Variants in RELN observed in about 807,000 individuals in gnomAD.
The protein encoded by RELN is reelin.
Under a neutral mutation model 427.6 loss-of-function variants are expected in RELN, and 108 were observed. That is an observed-to-expected ratio of 0.25 (90% CI 0.22 to 0.30). RELN has a LOEUF of 0.30. Among genes scored for constraint, RELN ranks in the 10% least tolerant of loss-of-function variants. The pLI is 1.00. For missense variants in RELN, 3,715 were observed against 4,302.8 expected, an observed-to-expected ratio of 0.86 and a Z score of 3.82; for synonymous variants, 1,524 against 1,513.4, an observed-to-expected ratio of 1.01 and a Z score of -0.16.
intron 25 of RELN, among the ~76,000 whole-genome samples, chr7:103,596,025 C>T (rs1277284839): frequency 6.6e-6 from 1 of 152,144 alleles, no homozygotes; most frequent in East Asian, 1.9e-4. Context: ...TACTCATACA[C>T]TGTTTAGGGA....
intron 46 of RELN, among the ~76,000 whole-genome samples, chr7:103,533,183 G>A (rs543649594): frequency 6.6e-6 from 1 of 152,292 alleles, no homozygotes; most frequent in East Asian, 1.9e-4. Context: ...AGTAGACAAG[G>A]CTGCAGTTGT....
intron 4 of RELN, among the ~76,000 whole-genome samples, chr7:103,757,659 G>A (rs897903225): frequency 3.4e-4 from 51 of 152,168 alleles, no homozygotes; most frequent in South Asian, 4.1e-4. Flanking sequence ...AAAAGATATC[G>A]TAGTTTCTTC....
intron 6 of RELN, among the ~76,000 whole-genome samples, chr7:103,732,323 C>T (rs1790374649): frequency 1.3e-5 from 2 of 152,070 alleles, no homozygotes; most frequent in South Asian, 2.1e-4. Flanking sequence ...CATCATAATC[C>T]TTCAGTGTGT....
chr7:103,940,673 A>C (rs1452545064), intron 1 of RELN, among the ~76,000 whole-genome samples: 1 of 152,178 alleles, frequency 6.6e-6, no homozygotes, highest in Non-Finnish European at 1.5e-5. Flanking sequence ...TATCCCTGAT[A>C]AAATAACCAA....
chr7:103,548,508 A>G (rs887100749), intron 41 of RELN, among the ~76,000 whole-genome samples: 2 of 152,230 alleles, frequency 1.3e-5, no homozygotes, highest in Non-Finnish European at 2.9e-5. Context: ...AGGACTAGAC[A>G]ACACCCTTAA....
At chr7:103,933,352 T>G (rs1009665738) in intron 1 of RELN, among the ~76,000 whole-genome samples, 6 of 152,110 alleles carry the variant, frequency 3.9e-5, no homozygotes, top group African/African-American at 1.4e-4. Context: ...ATGGCATTCA[T>G]GAGCTAATCA....
chr7:103,858,152 C>T (rs1326451819), intron 2 of RELN, among the ~76,000 whole-genome samples: 1 of 152,156 alleles, frequency 6.6e-6, no homozygotes, highest in Non-Finnish European at 1.5e-5. Flanking sequence ...TACAACAGGG[C>T]TGGCACTCGG....
At chr7:103,742,402 C>T (rs962303858) in intron 6 of RELN, among the ~76,000 whole-genome samples, 4 of 152,158 alleles carry the variant, frequency 2.6e-5, no homozygotes, top group Non-Finnish European at 1.5e-5. Flanking sequence ...AGTAACGGAA[C>T]AAAACTGGAT....
intron 3 of RELN, among the ~76,000 whole-genome samples, chr7:103,808,300 T>TC: frequency 6.6e-6 from 1 of 151,642 alleles, no homozygotes; most frequent in Non-Finnish European, 1.5e-5. Context: ...TTAGGTGATA[T>TC]ACCTAATGCT....
At chr7:103,801,375 TATA>T (rs1240056857) in intron 3 of RELN, among the ~76,000 whole-genome samples, 1 of 152,178 alleles carries the variant, frequency 6.6e-6, no homozygotes, top group African/African-American at 2.4e-5. Context: ...ATGTGGCACA[TATA>T]CACCATGGAA....
In RELN at chr7:103,580,521, A is replaced by C. The variant is rs149080050; in HGVS notation, c.4146-4816T>G. 4.6e-3 allele frequency among the ~76,000 whole-genome samples: 695 copies of C among 152,324 alleles called. 6 individuals carry two copies. Among genetic ancestry groups the C allele is most frequent in the African/African-American group, 0.016 (659 of 41,562 alleles). Reference sequence around the variant, plus strand: ...CTCTTACTTCCAACTGGGTTATACCACCCAACATCAAACACACTGCAATTT... The same window carrying C: ...CTCTTACTTCCAACTGGGTTATACCCCCCAACATCAAACACACTGCAATTT... On this transcript the variant is annotated intron_variant, in intron 28 of 64. Transcript: ENST00000428762.
At chr7:103,823,076 T>A (rs562000279) in intron 3 of RELN, among the ~76,000 whole-genome samples, 1 of 152,174 alleles carries the variant, frequency 6.6e-6, no homozygotes, top group South Asian at 2.1e-4. Context: ...TACACGCAAG[T>A]TATTTTGTTC....
intron 2 of RELN, among the ~76,000 whole-genome samples, chr7:103,886,980 C>A (rs2116578149): frequency 6.6e-6 from 1 of 152,190 alleles, no homozygotes; most frequent in African/African-American, 2.4e-5. Flanking sequence ...ACATAAAAAC[C>A]AGCACAAAGT....
intron 46 of RELN, among the ~76,000 whole-genome samples, chr7:103,530,332 A>G (rs755190219): frequency 1.3e-5 from 2 of 152,172 alleles, no homozygotes; most frequent in South Asian, 2.1e-4. Flanking sequence ...GGAGAAGGAG[A>G]AATTAGTGAC....
At chr7:103,755,178 G>T (rs28438024) in intron 4 of RELN, among the ~76,000 whole-genome samples, 8,384 of 151,928 alleles carry the variant, frequency 0.055, 805 homozygotes, top group African/African-American at 0.19. Context: ...GATAGTGGCC[G>T]GGCCCGGTGG....
chr7:103,962,159 A>C (rs942285549), intron 1 of RELN, among the ~76,000 whole-genome samples: 3 of 152,132 alleles, frequency 2.0e-5, no homozygotes, highest in African/African-American at 7.2e-5. Context: ...AACACCTGTA[A>C]CAAAACACGC....
intron 4 of RELN, among the ~76,000 whole-genome samples, chr7:103,755,945 A>G (rs528496267): frequency 6.6e-6 from 1 of 152,298 alleles, no homozygotes. Context: ...ACAGTATGGA[A>G]CTTTTCAAAT....
chr7:103,741,657 A>G (rs589829), intron 6 of RELN, among the ~76,000 whole-genome samples: 32,964 of 132,926 alleles, frequency 0.25, 4,776 homozygotes, highest in African/African-American at 0.43. Flanking sequence ...AGATGAAAGC[A>G]AGAGAAAGGG....
intron 5 of RELN, among the ~76,000 whole-genome samples, chr7:103,751,477 T>G (rs1230037717): frequency 6.6e-6 from 1 of 152,222 alleles, no homozygotes; most frequent in Non-Finnish European, 1.5e-5. Context: ...GAGGACTGGA[T>G]GCTCAGACGC....
Sources: allele counts gnomAD v4.1 joint callset (sites outside exome capture counted in the v4.1 genomes callset), GRCh38; gene constraint gnomAD v4.1.1; transcripts MANE v1.5; gene names NCBI Gene and HGNC (gene_info 2026-07-23, HGNC 2026-07-21).